ZER1: variants seen among roughly 807,000 people sequenced by gnomAD.
The protein encoded by ZER1 is protein zer-1 homolog.
In ZER1, 11 loss-of-function variants were observed where a neutral mutation model predicts 78.8. The observed-to-expected ratio is 0.14, with a 90% CI of 0.09 to 0.23. ZER1 has a LOEUF of 0.23. ZER1 is among the 10% of genes least tolerant of loss of function. The pLI is 1.00. For synonymous variants in ZER1, 400 were observed against 407.0 expected (o/e 0.98, Z 0.21); for missense variants, 588 against 996.9 (o/e 0.59, Z 5.52).
At position 128,732,312 on chromosome 9, in the gene ZER1, T is replaced by TC. The variant is rs1862856567; in HGVS notation, c.2244-919dup. Among the ~76,000 whole-genome samples, 1 of 152,152 alleles carries TC rather than the reference T, an allele frequency of 6.6e-6. No homozygotes were observed. The highest frequency in any genetic ancestry group is 2.1e-4 in the South Asian group (1 of 4,828). ...TAACCATGAAAATTCCAGGGCCACC[T>TC]CCCACCTCCCGGATGTACTGGAAAA... On this transcript the variant is annotated intron_variant, in intron 15 of 15. Coordinates refer to ENST00000291900, the MANE Select transcript of ZER1 (RefSeq NM_006336.4). The surrounding 1 kb of genome is among the most constrained non-coding windows in gnomAD (Gnocchi z 4.8).
At chr9:128,766,802 C>T (rs1361537961) in intron 1 of ZER1, among the ~76,000 whole-genome samples, 3 of 138,210 alleles carry the variant, frequency 2.2e-5, no homozygotes, top group East Asian at 2.2e-4. Flanking sequence ...GCCGAGATTG[C>T]ACCACTGCAC....
At chr9:128,772,211 A>T (rs1864409693), upstream of ZER1, 1 of 152,350 alleles carries the variant, frequency 6.6e-6, no homozygotes, top group African/African-American at 2.4e-5. Flanking sequence ...TGAGCCCAAC[A>T]CTGCTGAATA....
chr9:128,738,947 G>A (rs1156301090), intron 13 of ZER1, among the ~76,000 whole-genome samples: 1 of 149,906 alleles, frequency 6.7e-6, no homozygotes, highest in East Asian at 2.0e-4. Flanking sequence ...TGCCTCCTGG[G>A]TTCAAGCGAT....
At chr9:128,736,182 C>T (rs931263230) in intron 13 of ZER1, among the ~76,000 whole-genome samples, 1 of 152,052 alleles carries the variant, frequency 6.6e-6, no homozygotes, top group African/African-American at 2.4e-5. Context: ...GATCTCCTGA[C>T]CTCGTGATCC....
intron 8 of ZER1, among the ~76,000 whole-genome samples, chr9:128,743,138 G>A (rs1243784208): frequency 1.3e-5 from 2 of 149,758 alleles, no homozygotes; most frequent in Non-Finnish European, 3.0e-5. Flanking sequence ...TTTTTTTTGA[G>A]ATGGAGTGCT....
chr9:128,767,012 G>A (rs1589550180), intron 1 of ZER1, among the ~76,000 whole-genome samples: 2 of 149,018 alleles, frequency 1.3e-5, no homozygotes, highest in Non-Finnish European at 3.0e-5. Context: ...GCACAATCTC[G>A]GCTCACTGCA....
chr9:128,760,290 C>A (rs1360270023), intron 1 of ZER1, among the ~76,000 whole-genome samples: 1 of 152,076 alleles, frequency 6.6e-6, no homozygotes, highest in East Asian at 1.9e-4. Flanking sequence ...GCAACCTCTG[C>A]CTCCCAGGTT....
Position 128,739,924 on chromosome 9 carries a change from CCCACA to C in ZER1, c.2042+2_2042+6del. ...CACCGCATCCCCGCTCCCTGCCCTG[CCCACA>C]CCTGTAATTGATGTTTCTCCGAGAG... On this transcript the variant is annotated splice_donor_variant and splice_donor_5th_base_variant and intron_variant, in intron 13 of 15. Coordinates refer to ENST00000291900, the MANE Select transcript of ZER1 (RefSeq NM_006336.4). LOFTEE classifies it high-confidence loss of function. The C allele has an allele frequency of 6.2e-7, 1 of 1,603,146 alleles. No homozygotes were observed. The highest frequency in any genetic ancestry group is 8.5e-7 in the Non-Finnish European group (1 of 1,170,704).
chr9:128,735,287 G>A (rs763688091), intron 14 of ZER1, 47 bp downstream of exon 14: 3 of 1,549,008 alleles, frequency 1.9e-6, no homozygotes, highest in East Asian at 4.5e-5. Flanking sequence ...GGGCACATCT[G>A]CTTTCAGCTG....
intron 14 of ZER1, 74 bp downstream of exon 14, chr9:128,735,260 G>A (rs1242746935): frequency 7.3e-7 from 1 of 1,362,590 alleles, no homozygotes; most frequent in East Asian, 2.4e-5. Context: ...CCCCCTCCTG[G>A]ACTACAAACT....
At chr9:128,762,466 C>G (rs577221636) in intron 1 of ZER1, among the ~76,000 whole-genome samples, 4 of 152,184 alleles carry the variant, frequency 2.6e-5, no homozygotes, top group African/African-American at 9.7e-5. Flanking sequence ...TTGCTGCTCA[C>G]GAGGAGACAA....
chr9:128,734,144 AATATATATATATATATAT>A (rs1220785593), intron 14 of ZER1, among the ~76,000 whole-genome samples: 1 of 14,456 alleles, frequency 6.9e-5, no homozygotes. Context: ...AAAAAAAAAA[AATATATATATATATATAT>A]AAAATCTTAA....
At chr9:128,761,772 T>G (rs1443647133) in intron 1 of ZER1, among the ~76,000 whole-genome samples, 2 of 151,750 alleles carry the variant, frequency 1.3e-5, no homozygotes, top group African/African-American at 4.8e-5. Context: ...GCTCGGCTAA[T>G]TTTTTGTATT....
chr9:128,741,910 T>C, intron 9 of ZER1, 69 bp from the exon 10 acceptor site: 8 of 1,604,304 alleles, frequency 5.0e-6, no homozygotes, highest in African/African-American at 1.3e-5. Flanking sequence ...GAACCCAAGA[T>C]GGAGGGGAGG....
chr9:128,757,486 C>T (rs967642513), intron 1 of ZER1, among the ~76,000 whole-genome samples: 15 of 151,270 alleles, frequency 9.9e-5, no homozygotes, highest in East Asian at 3.9e-4. Flanking sequence ...TGCACCACCG[C>T]GCTCTAGCCT....
At chr9:128,756,014 T>C (rs181565632) in intron 1 of ZER1, among the ~76,000 whole-genome samples, 5 of 152,308 alleles carry the variant, frequency 3.3e-5, no homozygotes, top group Admixed American at 3.3e-4. Flanking sequence ...CTTCCTAACC[T>C]GTATACAGCT....
chr9:128,758,936 G>T (rs531121844), intron 1 of ZER1, among the ~76,000 whole-genome samples: 1 of 152,208 alleles, frequency 6.6e-6, no homozygotes, highest in South Asian at 2.1e-4. Context: ...GGGTATCCAG[G>T]CTCGCTTACT....
At chr9:128,758,702 A>C (rs1278178672) in intron 1 of ZER1, among the ~76,000 whole-genome samples, 2 of 152,016 alleles carry the variant, frequency 1.3e-5, no homozygotes, top group African/African-American at 4.8e-5. Flanking sequence ...CGCCTCCCAA[A>C]GTGCTGGGAT....
chr9:128,734,862 A>G (rs1214073935), intron 14 of ZER1, among the ~76,000 whole-genome samples: 1 of 143,504 alleles, frequency 7.0e-6, no homozygotes, highest in Non-Finnish European at 1.5e-5. Context: ...TTTTTTTTTC[A>G]TGCAGACAGC....
Sources: gnomAD v4.1 joint callset for allele counts (sites outside exome capture counted in the v4.1 genomes callset) on GRCh38, gnomAD v4.1.1 for gene constraint, Gnocchi (gnomAD v3.1) non-coding constraint, MANE v1.5 for transcripts, NCBI Gene and HGNC (gene_info 2026-07-23, HGNC 2026-07-21) for gene names.